FLI1: variants seen among roughly 807,000 people sequenced by gnomAD.
FLI1 encodes Fli-1 proto-oncogene, ETS transcription factor, also known as Friend leukemia integration 1 transcription factor.
In FLI1, 13 loss-of-function variants were observed where a neutral mutation model predicts 53.1. The ratio of observed to expected loss-of-function variants is 0.24; its 90% confidence interval spans 0.16 to 0.39. The LOEUF is 0.39. Ranked by LOEUF, FLI1 falls within the 10% of genes least tolerant of loss-of-function variation. The pLI, the probability that FLI1 is intolerant of heterozygous loss-of-function variation, is 1.00. For synonymous variants in FLI1, 244 were observed against 236.7 expected, an observed-to-expected ratio of 1.03 and a Z score of -0.28; for missense variants, 424 against 600.5, an observed-to-expected ratio of 0.71 and a Z score of 3.07.
intron 4 of FLI1, among the ~76,000 whole-genome samples, chr11:128,778,458 G>A (rs1941811961): frequency 6.6e-6 from 1 of 152,168 alleles, no homozygotes; most frequent in African/African-American, 2.4e-5. Context: ...GAGGCAGTGG[G>A]ATCTGCCAGA....
At chr11:128,801,837 A>C (rs2268612) in intron 5 of FLI1, among the ~76,000 whole-genome samples, 18,558 of 152,254 alleles carry the variant, frequency 0.12, 1,237 homozygotes, top group East Asian at 0.26. Flanking sequence ...ATCAGAGAAC[A>C]CAACAGAGAT....
intron 4 of FLI1, among the ~76,000 whole-genome samples, chr11:128,781,597 T>C (rs1294660358): frequency 1.3e-5 from 2 of 152,200 alleles, no homozygotes; most frequent in Non-Finnish European, 2.9e-5. Flanking sequence ...GGTGAGTTAA[T>C]AACAACTGGA....
At chr11:128,800,340 A>G (rs1942594865) in intron 5 of FLI1, among the ~76,000 whole-genome samples, 1 of 152,204 alleles carries the variant, frequency 6.6e-6, no homozygotes, top group South Asian at 2.1e-4. Flanking sequence ...CCAGTCATTG[A>G]GAGCAAGGTT....
intron 1 of FLI1, among the ~76,000 whole-genome samples, chr11:128,740,520 T>A (rs925402706): frequency 6.6e-6 from 1 of 152,174 alleles, no homozygotes; most frequent in African/African-American, 2.4e-5. Context: ...AGCTCCCCAC[T>A]TTTTCCCCCA....
At chr11:128,722,820 T>C (rs565100977) in intron 1 of FLI1, among the ~76,000 whole-genome samples, 1 of 152,150 alleles carries the variant, frequency 6.6e-6, no homozygotes, top group Non-Finnish European at 1.5e-5. Context: ...CATTCTCCTA[T>C]CGAGCTCTGG....
chr11:128,809,114 T>A, intron 7 of FLI1, 43 bp from the exon 8 acceptor site: 1 of 1,562,186 alleles, frequency 6.4e-7, no homozygotes, highest in South Asian at 1.1e-5. Context: ...GTTGTCATAT[T>A]TTTTAAAAAC....
At chr11:128,718,021 G>A (rs1369680891) in intron 1 of FLI1, among the ~76,000 whole-genome samples, 1 of 152,200 alleles carries the variant, frequency 6.6e-6, no homozygotes, top group Non-Finnish European at 1.5e-5. Context: ...GGGGGCCTCT[G>A]AGCCCTCCTG....
chr11:128,782,982 G>C (rs1325653611), intron 5 of FLI1, among the ~76,000 whole-genome samples: 1 of 152,186 alleles, frequency 6.6e-6, no homozygotes, highest in African/African-American at 2.4e-5. Flanking sequence ...ACCAGAGAGA[G>C]ACTGGAAAAA....
chr11:128,735,058 A>G (rs1249216818), intron 1 of FLI1, among the ~76,000 whole-genome samples: 1 of 152,222 alleles, frequency 6.6e-6, no homozygotes, highest in Non-Finnish European at 1.5e-5. Flanking sequence ...GTAGTCCTTC[A>G]GAACCTTTGT....
chr11:128,775,000 CTTTT>C (rs1555120599), intron 4 of FLI1, among the ~76,000 whole-genome samples: 2 of 152,118 alleles, frequency 1.3e-5, no homozygotes, highest in African/African-American at 2.4e-5. Flanking sequence ...TTGCTTCTTT[CTTTT>C]TAAGAATATT....
chr11:128,790,721 A>G (rs1261058312), intron 5 of FLI1, among the ~76,000 whole-genome samples: 1 of 152,254 alleles, frequency 6.6e-6, no homozygotes, highest in African/African-American at 2.4e-5. Flanking sequence ...CTGCCTTATT[A>G]GAGGTGGGCC....
At chr11:128,768,686 CTCAA>C (rs1941443726) in intron 3 of FLI1, among the ~76,000 whole-genome samples, 1 of 53,916 alleles carries the variant, frequency 1.9e-5, no homozygotes, top group Non-Finnish European at 3.3e-5. Context: ...GAGACTCTGT[CTCAA>C]AAAAAAAAAA....
At chr11:128,800,903 G>A (rs940883938) in intron 5 of FLI1, among the ~76,000 whole-genome samples, 1 of 152,310 alleles carries the variant, frequency 6.6e-6, no homozygotes, top group African/African-American at 2.4e-5. Flanking sequence ...CTTCTGAAAA[G>A]GAATCACAAT....
At chr11:128,756,970 C>T (rs1217095097) in intron 1 of FLI1, among the ~76,000 whole-genome samples, 1 of 152,210 alleles carries the variant, frequency 6.6e-6, no homozygotes, top group East Asian at 1.9e-4. Flanking sequence ...GCAGCCTCTA[C>T]TTCCGGGGCT....
intron 5 of FLI1, among the ~76,000 whole-genome samples, chr11:128,799,553 G>A (rs1942564596): frequency 6.6e-6 from 1 of 152,192 alleles, no homozygotes; most frequent in African/African-American, 2.4e-5. Context: ...AAGGCCAATG[G>A]CGGAGCTGGG....
chr11:128,747,762 A>G (rs143553977), intron 1 of FLI1, among the ~76,000 whole-genome samples: 3 of 152,184 alleles, frequency 2.0e-5, no homozygotes, highest in Non-Finnish European at 2.9e-5. Context: ...TGTGGTTCCC[A>G]CTGCCATCTA....
intron 1 of FLI1, among the ~76,000 whole-genome samples, chr11:128,738,533 A>G (rs989133788): frequency 6.6e-6 from 1 of 152,208 alleles, no homozygotes; most frequent in South Asian, 2.1e-4. Flanking sequence ...TCTGCATTGT[A>G]TAGCGTGAAC....
In FLI1 at chr11:128,765,228, C is replaced by T. The variant is rs115652935; in HGVS notation, c.231-2890C>T. Among the ~76,000 whole-genome samples the T allele has an allele frequency of 8.8e-3, 1,337 of 152,294 alleles. 18 individuals carry two copies. Among genetic ancestry groups the T allele is most frequent in the African/African-American group, 0.029 (1,221 of 41,562 alleles). ...CATGGCTCCTCTCCTTACAAGGTCA[C>T]GTGTTAGGCAGGTTTGGGGAAATGT... On this transcript the variant is annotated intron_variant, in intron 2 of 8. Transcript: ENST00000527786.
At chr11:128,797,683 T>C (rs907189860) in intron 5 of FLI1, among the ~76,000 whole-genome samples, 1 of 152,168 alleles carries the variant, frequency 6.6e-6, no homozygotes, top group African/African-American at 2.4e-5. Context: ...GTAGTAGACA[T>C]TCAGTAAAAC....
Sources: allele counts gnomAD v4.1 joint callset (sites outside exome capture counted in the v4.1 genomes callset), GRCh38; gene constraint gnomAD v4.1.1; transcripts MANE v1.5; gene names NCBI Gene and HGNC (gene_info 2026-07-23, HGNC 2026-07-21).